The following VAV3 variants were observed in gnomAD, a reference collection of about 807,000 sequenced individuals.
VAV3 encodes vav guanine nucleotide exchange factor 3.
A neutral mutation model predicts 131.2 loss-of-function variants in VAV3; 94 were observed. The observed-to-expected ratio is 0.72, with a 90% CI of 0.61 to 0.85. The LOEUF (loss-of-function observed/expected upper bound fraction) is 0.85, where lower values mean the gene tolerates loss of function less well. VAV3 is among the 40% of genes least tolerant of loss of function. VAV3 has a pLI of 0.00. For missense variants in VAV3, 939 were observed against 1,002.7 expected (o/e 0.94, Z 0.86); for synonymous variants, 349 against 342.0 (o/e 1.02, Z -0.22).
At position 107,803,141 on chromosome 1, in the gene VAV3, T is replaced by A. The variant is rs1666906216; in HGVS notation, c.322-23649A>T. Among the ~76,000 whole-genome samples the A allele has an allele frequency of 2.6e-5, 4 of 152,108 alleles. No homozygotes were observed. In the South Asian group the frequency reaches 8.3e-4, roughly 32 times the overall value. On this transcript the variant is annotated intron_variant, in intron 2 of 26. Coordinates refer to ENST00000370056, the MANE Select transcript of VAV3 (RefSeq NM_006113.5). ...ATTTGTTGGCCTATACTTATAATAG[T>A]TTCTAATGATTCTTTTTATTTCTGT...
intron 2 of VAV3, among the ~76,000 whole-genome samples, chr1:107,782,636 T>A (rs1291618526): frequency 6.6e-6 from 1 of 152,244 alleles, no homozygotes; most frequent in Non-Finnish European, 1.5e-5. Context: ...TTTGTGTCTA[T>A]GCTATTGTAC....
chr1:107,887,521 T>C (rs1310236355), intron 1 of VAV3, among the ~76,000 whole-genome samples: 2 of 152,228 alleles, frequency 1.3e-5, no homozygotes, highest in East Asian at 3.8e-4. Context: ...TAAATTCCAC[T>C]ATTTTGTCCT....
chr1:107,680,458 T>C (rs1658522970), intron 19 of VAV3, among the ~76,000 whole-genome samples: 2 of 152,182 alleles, frequency 1.3e-5, no homozygotes, highest in Non-Finnish European at 1.5e-5. Flanking sequence ...TAATATAAAT[T>C]AGTTGATATA....
At chr1:107,677,512 T>C (rs1245011282) in intron 19 of VAV3, among the ~76,000 whole-genome samples, 14 of 152,180 alleles carry the variant, frequency 9.2e-5, no homozygotes, top group Non-Finnish European at 1.8e-4. Context: ...ACCATAGATA[T>C]GGCAAAGGAA....
intron 1 of VAV3, among the ~76,000 whole-genome samples, chr1:107,925,149 G>C (rs963468682): frequency 6.6e-6 from 1 of 152,050 alleles, no homozygotes; most frequent in Non-Finnish European, 1.5e-5. Context: ...TTCTATTTAC[G>C]TACACTTAAA....
chr1:107,648,110 A>G (rs906214675), intron 19 of VAV3, among the ~76,000 whole-genome samples: 6 of 152,032 alleles, frequency 3.9e-5, no homozygotes, highest in South Asian at 2.1e-4. Context: ...TCACAAAGGG[A>G]ACACTCCCCA....
intron 2 of VAV3, among the ~76,000 whole-genome samples, chr1:107,826,054 G>A (rs751065657): frequency 7.9e-5 from 12 of 152,194 alleles, no homozygotes; most frequent in Admixed American, 5.2e-4. Flanking sequence ...AATGAAATGC[G>A]GAATCAACAA....
chr1:107,815,326 G>A (rs1667520290), intron 2 of VAV3, among the ~76,000 whole-genome samples: 1 of 152,188 alleles, frequency 6.6e-6, no homozygotes, highest in African/African-American at 2.4e-5. Context: ...TTAGTGAGGG[G>A]AAAGGGATGT....
chr1:107,659,652 G>A (rs1031702443), intron 19 of VAV3, among the ~76,000 whole-genome samples: 5 of 152,076 alleles, frequency 3.3e-5, no homozygotes, highest in African/African-American at 9.7e-5. Flanking sequence ...TCCCGATTTA[G>A]TCATATTTTT....
At chr1:107,945,284 T>C (rs1009849370) in intron 1 of VAV3, among the ~76,000 whole-genome samples, 20 of 152,228 alleles carry the variant, frequency 1.3e-4, no homozygotes, top group Non-Finnish European at 2.2e-4. Context: ...TTGAATTTTT[T>C]AGAGGCCCTT....
At chr1:107,912,597 A>G (rs1004908505) in intron 1 of VAV3, among the ~76,000 whole-genome samples, 1 of 152,196 alleles carries the variant, frequency 6.6e-6, no homozygotes, top group Non-Finnish European at 1.5e-5. Flanking sequence ...TTCTCCACCT[A>G]CACTACTCTC....
In VAV3 at chr1:107,848,312, C is replaced by CAA. The variant is rs34249858; in HGVS notation, c.321+26587_321+26588dup. Among the ~76,000 whole-genome samples the CAA allele has an allele frequency of 3.9e-3, 361 of 92,080 alleles. 6 individuals carry two copies. Among genetic ancestry groups the CAA allele is most frequent in the Middle Eastern group, 0.012 (2 of 162 alleles). 60.4% of individuals were successfully genotyped at this position (92,080 alleles called of 152,430 possible). On this transcript the variant is annotated intron_variant, in intron 2 of 26. Transcript: ENST00000370056. ...TGGGCAACAGAGCAAGACTCCGTCT[C>CAA]AAAAAAAAAAAAAAAAAAATAGTGG... is the stretch of plus-strand genomic sequence containing the variant.
Position 107,749,082 on chromosome 1 carries a change from T to C in VAV3, c.1393-5A>G, listed in dbSNP as rs367771504. 49 of 1,548,058 alleles carry C rather than the reference T, an allele frequency of 3.2e-5. No individual in the cohort carries two copies. Among genetic ancestry groups the C allele is most frequent in the Non-Finnish European group, 4.2e-5 (48 of 1,129,720 alleles). ...GAGGTAGAAGCCATAAGACCACTGT[T>C]AAAATTAATATTCCTTAGATTAATA... On this transcript the variant is annotated splice_region_variant and splice_polypyrimidine_tract_variant and intron_variant, in intron 14 of 26. Coordinates refer to ENST00000370056, the MANE Select transcript of VAV3 (RefSeq NM_006113.5).
Position 107,782,051 on chromosome 1 carries a change from T to C in VAV3, c.322-2559A>G, listed in dbSNP as rs563580977. Among the ~76,000 whole-genome samples the C allele has an allele frequency of 7.2e-5, 11 of 152,322 alleles. No homozygotes were observed. In the East Asian group the frequency reaches 1.9e-3, roughly 27 times the overall value. ...CTACATTGCTTTACTTTAGCATGCA[T>C]CTTATCCTAATATATCACTGTTAGA... is the stretch of plus-strand genomic sequence containing the variant. On this transcript the variant is annotated intron_variant, in intron 2 of 26. Transcript: ENST00000370056.
intron 1 of VAV3, among the ~76,000 whole-genome samples, chr1:107,947,030 G>A (rs533792556): frequency 6.6e-6 from 1 of 152,334 alleles, no homozygotes; most frequent in Non-Finnish European, 1.5e-5. Context: ...AGGGAAAAGA[G>A]CCTGCCCTAG....
At chr1:107,901,028 G>C (rs1280447509) in intron 1 of VAV3, among the ~76,000 whole-genome samples, 1 of 152,132 alleles carries the variant, frequency 6.6e-6, no homozygotes, top group African/African-American at 2.4e-5. Flanking sequence ...TTGGCAATAA[G>C]ATATGCCAGA....
At chr1:107,822,092 C>T (rs1324014815) in intron 2 of VAV3, among the ~76,000 whole-genome samples, 4 of 152,122 alleles carry the variant, frequency 2.6e-5, no homozygotes, top group Admixed American at 1.3e-4. Context: ...AGGGCAAAAA[C>T]TCACCAGGTG....
chr1:107,690,742 G>T (rs1242596229), intron 17 of VAV3, among the ~76,000 whole-genome samples: 1 of 152,128 alleles, frequency 6.6e-6, no homozygotes, highest in Non-Finnish European at 1.5e-5. Flanking sequence ...AAGGGGCTTT[G>T]TGCTGGATGC....
chr1:107,582,073 A>G (rs1300299142), intron 25 of VAV3, among the ~76,000 whole-genome samples: 1 of 152,308 alleles, frequency 6.6e-6, no homozygotes, highest in East Asian at 1.9e-4. Flanking sequence ...GATTGGGTCA[A>G]TGGTACTGTC....
Sources: allele counts gnomAD v4.1 joint callset (sites outside exome capture counted in the v4.1 genomes callset), GRCh38; gene constraint gnomAD v4.1.1; transcripts MANE v1.5; gene names NCBI Gene and HGNC (gene_info 2026-07-23, HGNC 2026-07-21).